Variants in ASH1L observed in about 807,000 individuals in gnomAD.
The protein encoded by ASH1L is histone-lysine N-methyltransferase ASH1L.
In ASH1L, 23 loss-of-function variants were observed where a neutral mutation model predicts 269.0. The observed-to-expected ratio is 0.09, with a 90% CI of 0.06 to 0.12. ASH1L has a LOEUF of 0.12. Among genes scored for constraint, ASH1L ranks in the 10% least tolerant of loss-of-function variants. The pLI is 1.00. For synonymous variants in ASH1L, 1,187 were observed against 1,253.5 expected (o/e 0.95, Z 1.12); for missense variants, 2,912 against 3,567.8 (o/e 0.82, Z 4.68).
rs748702251 is a variant in ASH1L, at chr1:155,481,457, C to T, written c.1413G>A (p.Arg471=). ...TTTCCAATATGCTTTCTTTATTCTG[C>T]CGTACAACATTCTTTTCAAAAGTTT... is the stretch of plus-strand genomic sequence containing the variant. ...TSKTFEKNVV[R]QNKESILEKF... is the part of the protein sequence containing the mutation. Residue 471 remains arginine, a synonymous_variant, in exon 3 of 28, where the codon CGG becomes CGA. Coordinates refer to ENST00000392403, the MANE Select transcript of ASH1L (RefSeq NM_018489.3). The T allele has an allele frequency of 2.5e-6, 4 of 1,613,956 alleles. No individual in the cohort carries two copies. The highest frequency in any genetic ancestry group is 2.7e-5 in the African/African-American group (2 of 74,936).
Position 155,521,345 on chromosome 1 carries a change from C to T in ASH1L, c.175G>A (p.Glu59Lys), listed in dbSNP as rs1668873954. ...LRKRNRERNIEAGKDDGLTDA... is the reference protein window; with the variant it reads ...LRKRNRERNIKAGKDDGLTDA... ...GTCAAACCATCATCTTTCCCAGCTTCGATGTTTCTTTCTCGATTCCGTTTG... is the reference window on the plus strand; with the variant it reads ...GTCAAACCATCATCTTTCCCAGCTTTGATGTTTCTTTCTCGATTCCGTTTG... The change falls in exon 2 of 28, where the codon GAA (glutamate) becomes AAA (lysine). Residue 59 changes from glutamate (E) to lysine (K), a missense_variant. Around this residue, in one of 13 missense-constraint regions of ASH1L, gnomAD observed 115 missense variants for 101.5 expected, o/e 1.13. Transcript: ENST00000392403. The T allele has an allele frequency of 5.0e-6, 8 of 1,613,988 alleles. No individual in the cohort carries two copies. The highest frequency in any genetic ancestry group is 6.8e-6 in the Non-Finnish European group (8 of 1,180,038).
rs560451655 is a variant in ASH1L at position 155,337,078 on chromosome 1, T to G, written c.*582A>C. On this transcript the variant is annotated 3_prime_UTR_variant, in exon 28 of 28. Coordinates refer to ENST00000392403, the MANE Select transcript of ASH1L (RefSeq NM_018489.3). ...GTAGGGAGGGGGCAGCAGTTACAAG[T>G]GCTTTGAGCTGTCAACTCACATTTT... is the stretch of plus-strand genomic sequence containing the variant. The G allele has an allele frequency of 2.6e-5, 4 of 152,530 alleles. No homozygotes were observed. The highest frequency in any genetic ancestry group is 1.9e-4 in the East Asian group (1 of 5,326). 9.4% of individuals were successfully genotyped at this position (152,530 alleles called of 1,614,324 possible).
intron 2 of ASH1L, among the ~76,000 whole-genome samples, chr1:155,516,438 C>A (rs1668509024): frequency 6.6e-6 from 1 of 152,080 alleles, no homozygotes; most frequent in Non-Finnish European, 1.5e-5. Context: ...CCTAAAACAT[C>A]AACAAATTGT....
rs114218266 is a variant in ASH1L at position 155,481,552 on chromosome 1, A to C, written c.1318T>G (p.Cys440Gly). 6,221 of 1,614,158 alleles carry C rather than the reference A, an allele frequency of 3.9e-3. 202 individuals carry two copies. In the African/African-American group the frequency reaches 0.073, roughly 19 times the overall value. The change falls in exon 3 of 28, where the codon TGT (cysteine) becomes GGT (glycine). Residue 440 changes from cysteine (C) to glycine (G), a missense_variant. Coordinates refer to ENST00000392403, the MANE Select transcript of ASH1L (RefSeq NM_018489.3). ...LPTQEPLKAS[C>G]STNINNQESQ... is the part of the protein sequence containing the mutation. ...TCCTGATTATTGATGTTTGTACTAC[A>C]AGAAGCCTTAAGCGGTTCCTGAGTG...
chr1:155,391,349 T>C (rs1031166917), intron 7 of ASH1L, among the ~76,000 whole-genome samples: 2 of 152,254 alleles, frequency 1.3e-5, no homozygotes, highest in Non-Finnish European at 2.9e-5. Flanking sequence ...ATATATGTTT[T>C]AGTTCTGGGA....
chr1:155,523,907 T>A (rs1669058271), intron 1 of ASH1L, among the ~76,000 whole-genome samples: 1 of 152,180 alleles, frequency 6.6e-6, no homozygotes, highest in South Asian at 2.1e-4. Flanking sequence ...GCAGCAGCAG[T>A]GTTTATAAGT....
Position 155,478,652 on chromosome 1 carries a change from G to A in ASH1L, c.4218C>T (p.Pro1406=), listed in dbSNP as rs1665740983. The A allele has an allele frequency of 1.2e-6, 2 of 1,614,032 alleles. No homozygotes were observed. The highest frequency in any genetic ancestry group is 2.2e-5 in the East Asian group (1 of 44,886). ...IGLGYYGRYP[P]TLYPPPPSPS... is the part of the protein sequence containing the mutation. ...GAGATGGAGGAGGTGGATAAAGAGT[G>A]GGAGGATACCTTCCATAGTAACCTA... The change falls in exon 3 of 28, where the codon CCC becomes CCT. Residue 1406 remains proline (P), a synonymous_variant. Coordinates refer to ENST00000392403, the MANE Select transcript of ASH1L (RefSeq NM_018489.3). This position sits in a 1 kb window ranked among gnomAD's most constrained non-coding sequence, Gnocchi z 4.6.
chr1:155,399,601 C>T (rs1390502998), intron 6 of ASH1L, among the ~76,000 whole-genome samples: 3 of 151,784 alleles, frequency 2.0e-5, no homozygotes, highest in Non-Finnish European at 4.4e-5. Context: ...ATGGCACCAC[C>T]GCACTCCAGT....
At chr1:155,446,300 A>ATTT (rs35106620) in intron 4 of ASH1L, among the ~76,000 whole-genome samples, 2 of 139,930 alleles carry the variant, frequency 1.4e-5, no homozygotes, top group Non-Finnish European at 3.1e-5. Flanking sequence ...AATTAATTAA[A>ATTT]TTTTTTTTTT....
In ASH1L at chr1:155,338,235, G is replaced by A. The variant is rs1390908329; in HGVS notation, c.8657C>T (p.Ala2886Val). The A allele has an allele frequency of 6.2e-7, 1 of 1,613,786 alleles. No individual in the cohort carries two copies. The highest frequency in any genetic ancestry group is 8.5e-7 in the Non-Finnish European group (1 of 1,179,982). Residue 2886 changes from alanine (A) to valine (V), a missense_variant, in exon 27 of 28, where the codon GCT (alanine) becomes GTT (valine). Coordinates refer to ENST00000392403, the MANE Select transcript of ASH1L (RefSeq NM_018489.3). ...LEEPEREGAT[A>V]NVSEGEKKTE... ...TTTTTTTTCACCCTCACTGACGTTAGCAGTGGCCCCTTCCCGTTCTGGCTC... is the reference window on the plus strand; with the variant it reads ...TTTTTTTTCACCCTCACTGACGTTAACAGTGGCCCCTTCCCGTTCTGGCTC...
chr1:155,542,548 CAAAT>C (rs900599620), intron 1 of ASH1L, among the ~76,000 whole-genome samples: 3 of 151,452 alleles, frequency 2.0e-5, no homozygotes, highest in African/African-American at 4.9e-5. Flanking sequence ...GACTCTGTCT[CAAAT>C]AAATAAATAA....
intron 4 of ASH1L, among the ~76,000 whole-genome samples, chr1:155,445,653 G>C (rs1004537546): frequency 6.6e-6 from 1 of 152,076 alleles, no homozygotes; most frequent in Non-Finnish European, 1.5e-5. Context: ...GAATCAGTCT[G>C]CCAGTTTATA....
Position 155,349,391 on chromosome 1 carries a change from G to C in ASH1L, c.7490C>G (p.Thr2497Ser), listed in dbSNP as rs1370650798. 1.2e-6 allele frequency: 2 copies of C among 1,613,984 alleles called. No individual in the cohort carries two copies. Among genetic ancestry groups the C allele is most frequent in the Non-Finnish European group, 1.7e-6 (2 of 1,179,954 alleles). ...DLITIEKQIL[T>S]GYYKTVEAFD... is the part of the protein sequence containing the mutation. Reference sequence around the variant, plus strand: ...AGCTTCCACTGTCTTATAGTAACCAGTGAGGATCTGCTTCTCTATGGTGAT... The same window carrying C: ...AGCTTCCACTGTCTTATAGTAACCACTGAGGATCTGCTTCTCTATGGTGAT... Residue 2497 changes from threonine to serine, a missense_variant, in exon 19 of 28, where the codon ACT becomes AGT. By Grantham distance (58) the Thr-to-Ser change is moderately conservative. Transcript: ENST00000392403.
At chr1:155,414,114 A>C (rs1660019553) in intron 6 of ASH1L, among the ~76,000 whole-genome samples, 1 of 152,164 alleles carries the variant, frequency 6.6e-6, no homozygotes, top group Non-Finnish European at 1.5e-5. Flanking sequence ...TTCCTCTTTC[A>C]ATCTTATTCT....
chr1:155,460,928 GAATAA>G (rs1392993182), intron 3 of ASH1L, among the ~76,000 whole-genome samples: 2 of 152,092 alleles, frequency 1.3e-5, no homozygotes, highest in Admixed American at 6.6e-5. Flanking sequence ...TTATTTTCCT[GAATAA>G]AATATACTTG....
At chr1:155,386,002 G>A (rs892725365) in intron 7 of ASH1L, among the ~76,000 whole-genome samples, 3 of 152,138 alleles carry the variant, frequency 2.0e-5, no homozygotes, top group African/African-American at 7.2e-5. Flanking sequence ...TGGCAGTGGA[G>A]GGAGAGACAT....
chr1:155,395,227 C>T (rs1396972425), intron 7 of ASH1L, among the ~76,000 whole-genome samples: 1 of 152,192 alleles, frequency 6.6e-6, no homozygotes, highest in Non-Finnish European at 1.5e-5. Flanking sequence ...GCCACCATGC[C>T]TGGCCCAGTG....
At chr1:155,539,491 C>T (rs929731451) in intron 1 of ASH1L, among the ~76,000 whole-genome samples, 2 of 151,972 alleles carry the variant, frequency 1.3e-5, no homozygotes, top group Non-Finnish European at 2.9e-5. Flanking sequence ...AAATCTTGCT[C>T]TGTCACCCAG....
At chr1:155,359,675 A>G (rs953716319) in intron 13 of ASH1L, among the ~76,000 whole-genome samples, 2 of 152,030 alleles carry the variant, frequency 1.3e-5, no homozygotes, top group South Asian at 2.1e-4. Context: ...TCCCGGGCTC[A>G]AGCAATCTTC....
Sources: allele counts gnomAD v4.1 joint callset (sites outside exome capture counted in the v4.1 genomes callset), GRCh38; gene constraint gnomAD v4.1.1; regional missense constraint gnomAD v4.1.1; non-coding constraint Gnocchi (gnomAD v3.1); transcripts MANE v1.5; gene names NCBI Gene and HGNC (gene_info 2026-07-23, HGNC 2026-07-21).